Variants in RPP30 observed in about 807,000 individuals in gnomAD.
RPP30 encodes ribonuclease P/MRP subunit p30, also known as ribonuclease P protein subunit p30.
RPP30 carries 36 observed loss-of-function variants against 38.6 expected under a neutral mutation model. That is an observed-to-expected ratio of 0.93 (90% CI 0.71 to 1.23). The LOEUF (loss-of-function observed/expected upper bound fraction) is 1.23, where lower values mean the gene tolerates loss of function less well. Among genes scored for constraint, RPP30 ranks in the 50% most tolerant of loss-of-function variants. RPP30 has a pLI of 0.00. For synonymous variants in RPP30, 126 were observed against 112.7 expected, an observed-to-expected ratio of 1.12 and a Z score of -0.75; for missense variants, 321 against 321.7, an observed-to-expected ratio of 1.00 and a Z score of 0.02.
chr10:90,903,610 G>A (rs1589504453), downstream of RPP30, among the ~76,000 whole-genome samples: 1 of 152,162 alleles, frequency 6.6e-6, no homozygotes, highest in East Asian at 1.9e-4. Flanking sequence ...TGATAGTAGG[G>A]CATGATGGCT....
At chr10:90,875,332 T>TA (rs1846837246) in intron 2 of RPP30, among the ~76,000 whole-genome samples, 1 of 152,204 alleles carries the variant, frequency 6.6e-6, no homozygotes, top group African/African-American at 2.4e-5. Context: ...TATTTCAGTC[T>TA]AAAAATTAGT....
downstream of RPP30, chr10:90,905,293 C>T (rs1847241862): frequency 6.6e-6 from 1 of 152,168 alleles, no homozygotes; most frequent in Non-Finnish European, 1.5e-5. Flanking sequence ...TATCTTCACC[C>T]TTTTCCAGAG....
intron 4 of RPP30, among the ~76,000 whole-genome samples, chr10:90,876,507 G>T (rs1846854136): frequency 6.6e-6 from 1 of 152,194 alleles, no homozygotes; most frequent in African/African-American, 2.4e-5. Context: ...AATAAAGGAT[G>T]CTCTGGGAGT....
At chr10:90,876,344 C>T (rs1015197357) in intron 4 of RPP30, among the ~76,000 whole-genome samples, 7 of 152,144 alleles carry the variant, frequency 4.6e-5, no homozygotes, top group Non-Finnish European at 8.8e-5. Flanking sequence ...ATTGAACTCA[C>T]GTGCACCAGA....
downstream of RPP30, among the ~76,000 whole-genome samples, chr10:90,906,658 C>T (rs555853523): frequency 4.5e-4 from 69 of 152,216 alleles, no homozygotes; most frequent in African/African-American, 1.2e-3. Flanking sequence ...GCTATTTGAT[C>T]CAGATGAGAA....
chr10:90,876,785 G>A (rs1038379668), intron 4 of RPP30, among the ~76,000 whole-genome samples: 1 of 152,206 alleles, frequency 6.6e-6, no homozygotes, highest in African/African-American at 2.4e-5. Flanking sequence ...AACTAAGGGA[G>A]TGAAATGAGG....
chr10:90,874,125 C>T (rs1301711038), intron 1 of RPP30, among the ~76,000 whole-genome samples: 1 of 151,894 alleles, frequency 6.6e-6, no homozygotes, highest in African/African-American at 2.4e-5. Context: ...GAGAGTTTGG[C>T]ATTGATATGT....
At chr10:90,874,339 G>C (rs1184344986) in intron 1 of RPP30, among the ~76,000 whole-genome samples, 2 of 152,140 alleles carry the variant, frequency 1.3e-5, no homozygotes, top group South Asian at 4.1e-4. Flanking sequence ...TGGTGTGAGG[G>C]AGTTATCACT....
intron 10 of RPP30, 121 bp from the exon 11 acceptor site, chr10:90,900,449 C>A: frequency 1.1e-6 from 1 of 889,574 alleles, no homozygotes; most frequent in Non-Finnish European, 1.7e-6. Flanking sequence ...CACTAGCAGC[C>A]ATAGCAGTTC....
chr10:90,903,311 C>T (rs373941046), downstream of RPP30: 187 of 1,374,558 alleles, frequency 1.4e-4, no homozygotes, highest in African/African-American at 2.3e-3. Context: ...CTATTTTAAG[C>T]TTAAAATGCT....
At chr10:90,903,382 AC>A, downstream of RPP30, 1 of 660,986 alleles carries the variant, frequency 1.5e-6, no homozygotes, top group Non-Finnish European at 2.7e-6. Context: ...TTAGTGATGT[AC>A]CAGCTACAGT....
intron 1 of RPP30, among the ~76,000 whole-genome samples, chr10:90,872,726 G>A (rs1846798490): frequency 6.6e-6 from 1 of 152,156 alleles, no homozygotes. Context: ...CAAGAGGTTC[G>A]TGTAGTAACA....
intron 6 of RPP30, among the ~76,000 whole-genome samples, chr10:90,894,019 TTC>T (rs1210834932): frequency 6.6e-6 from 1 of 152,212 alleles, no homozygotes; most frequent in East Asian, 1.9e-4. Context: ...AAGTTTCTGT[TTC>T]TCATGAAAAA....
intron 6 of RPP30, among the ~76,000 whole-genome samples, chr10:90,891,450 T>C (rs1847080798): frequency 6.6e-6 from 1 of 152,192 alleles, no homozygotes; most frequent in African/African-American, 2.4e-5. Flanking sequence ...TTTCCAAATA[T>C]AAGATTACAT....
chr10:90,902,978 T>C (rs1485014643), downstream of RPP30, among the ~76,000 whole-genome samples: 1 of 152,224 alleles, frequency 6.6e-6, no homozygotes, highest in African/African-American at 2.4e-5. Flanking sequence ...GTATGTAAAT[T>C]ATTTTTTTAA....
chr10:90,883,532 T>C (rs1589496719), intron 5 of RPP30, among the ~76,000 whole-genome samples: 1 of 152,252 alleles, frequency 6.6e-6, no homozygotes, highest in East Asian at 1.9e-4. Flanking sequence ...ATAATTCAGT[T>C]TGGGGCATTC....
rs1846847130 is a variant in RPP30, at chr10:90,876,017, T to A, written c.196-7T>A. 4 of 1,473,042 alleles carry A rather than the reference T, an allele frequency of 2.7e-6. No individual in the cohort carries two copies. The highest frequency in any genetic ancestry group is 3.8e-6 in the Non-Finnish European group (4 of 1,053,474). 91.2% of individuals were successfully genotyped at this position (1,473,042 alleles called of 1,614,324 possible). The stretch of plus-strand genomic sequence containing the variant: ...TGCTTTTTTGACATCATGTCTTTTT[T>A]AAATAGGGAAAATCAAGACCAATTA... On this transcript the variant is annotated splice_polypyrimidine_tract_variant and splice_region_variant and intron_variant, in intron 3 of 10. Coordinates refer to ENST00000371703, the MANE Select transcript of RPP30 (RefSeq NM_006413.5).
intron 6 of RPP30, among the ~76,000 whole-genome samples, chr10:90,892,861 C>T (rs1470972223): frequency 1.3e-5 from 2 of 152,200 alleles, no homozygotes; most frequent in Non-Finnish European, 2.9e-5. Flanking sequence ...AACGTTATCA[C>T]AGGACATCTT....
At chr10:90,906,219 A>G (rs1847253800), downstream of RPP30, among the ~76,000 whole-genome samples, 1 of 152,318 alleles carries the variant, frequency 6.6e-6, no homozygotes, top group African/African-American at 2.4e-5. Context: ...AATAGAATCT[A>G]AGGACTCAAG....
Sources: gnomAD v4.1 joint callset for allele counts (sites outside exome capture counted in the v4.1 genomes callset) on GRCh38, gnomAD v4.1.1 for gene constraint, MANE v1.5 for transcripts, NCBI Gene and HGNC (gene_info 2026-07-23, HGNC 2026-07-21) for gene names.